PXDNL: variants seen among roughly 807,000 people sequenced by gnomAD.
The protein encoded by PXDNL is probable oxidoreductase PXDNL.
A neutral mutation model predicts 150.8 loss-of-function variants in PXDNL; 145 were observed. That is an observed-to-expected ratio of 0.96 (90% CI 0.84 to 1.10). The LOEUF (loss-of-function observed/expected upper bound fraction) is 1.10, where lower values mean the gene tolerates loss of function less well. PXDNL is among the 50% of genes least tolerant of loss of function. PXDNL has a pLI of 0.00. For synonymous variants in PXDNL, 757 were observed against 725.7 expected, an observed-to-expected ratio of 1.04 and a Z score of -0.69; for missense variants, 2,087 against 1,873.9, an observed-to-expected ratio of 1.11 and a Z score of -2.10.
At chr8:51,362,148 G>A (rs1029835139) in intron 19 of PXDNL, among the ~76,000 whole-genome samples, 3 of 151,994 alleles carry the variant, frequency 2.0e-5, no homozygotes, top group Non-Finnish European at 4.4e-5. Context: ...TAACATTTTG[G>A]TTTAGTTATT....
At chr8:51,421,237 A>AT (rs1475201503) in intron 14 of PXDNL, among the ~76,000 whole-genome samples, 1 of 152,104 alleles carries the variant, frequency 6.6e-6, no homozygotes, top group African/African-American at 2.4e-5. Context: ...TTCTGTAATA[A>AT]TTTTTTCCCA....
Position 51,557,045 on chromosome 8 carries a change from T to A in PXDNL, c.309-134A>T, listed in dbSNP as rs527585000. 7.4e-5 allele frequency: 44 copies of A among 594,810 alleles called. No individual in the cohort carries two copies. In the South Asian group the frequency reaches 9.4e-4, roughly 13 times the overall value. 36.8% of individuals were successfully genotyped at this position (594,810 alleles called of 1,614,324 possible). Reference sequence around the variant, plus strand: ...TGTCCATAGATTCTCTAACAATATATAGAAACTGTTATTTCACTTAAATGT... The same window carrying A: ...TGTCCATAGATTCTCTAACAATATAAAGAAACTGTTATTTCACTTAAATGT... On this transcript the variant is annotated intron_variant, in intron 3 of 22. Coordinates refer to ENST00000356297, the MANE Select transcript of PXDNL (RefSeq NM_144651.5).
chr8:51,449,214 T>A, intron 10 of PXDNL, 96 bp from the exon 11 acceptor site: 1 of 661,640 alleles, frequency 1.5e-6, no homozygotes, highest in Non-Finnish European at 2.6e-6. Context: ...TGTCATGTGA[T>A]CAGAATTTGT....
intron 19 of PXDNL, among the ~76,000 whole-genome samples, chr8:51,362,828 T>C (rs1364310777): frequency 3.3e-5 from 5 of 152,258 alleles, no homozygotes; most frequent in Non-Finnish European, 5.9e-5. Flanking sequence ...TCTGTGTTCA[T>C]ATGTGTACTA....
intron 19 of PXDNL, among the ~76,000 whole-genome samples, chr8:51,365,825 A>G (rs929471747): frequency 1.3e-5 from 2 of 152,188 alleles, no homozygotes; most frequent in Non-Finnish European, 2.9e-5. Flanking sequence ...TTTTTAAACA[A>G]AATTATGGGA....
chr8:51,453,485 G>A, intron 10 of PXDNL, 34 bp downstream of exon 10: 1 of 1,601,124 alleles, frequency 6.2e-7, no homozygotes, highest in African/African-American at 1.3e-5. Flanking sequence ...TGTGGCAGGA[G>A]GAACATTTCA....
rs973472580 is a variant in PXDNL at position 51,472,298 on chromosome 8, G to C, written c.701C>G (p.Pro234Arg). The change falls in exon 8 of 23, where the codon CCC (proline) becomes CGC (arginine). Residue 234 changes from proline to arginine, a missense_variant. Coordinates refer to ENST00000356297, the MANE Select transcript of PXDNL (RefSeq NM_144651.5). ...ATCCTGCGGCTCAAAAGTAATTCGG[G>C]GGCTCTCTGCAACAAAAGAATTATT... is the stretch of plus-strand genomic sequence containing the variant. Reference protein sequence around the residue: ...VTVEEFNCQSPRITFEPQDVE... With the variant: ...VTVEEFNCQSRRITFEPQDVE... The C allele has an allele frequency of 6.2e-7, 1 of 1,610,136 alleles. No homozygotes were observed. The highest frequency in any genetic ancestry group is 8.5e-7 in the Non-Finnish European group (1 of 1,177,152).
chr8:51,739,501 A>G (rs796325401), intron 1 of PXDNL, among the ~76,000 whole-genome samples: 1 of 152,342 alleles, frequency 6.6e-6, no homozygotes, highest in African/African-American at 2.4e-5. Flanking sequence ...GAAAATCACA[A>G]AGATTACAAA....
intron 4 of PXDNL, among the ~76,000 whole-genome samples, chr8:51,553,222 GAA>G (rs1484382534): frequency 1.3e-5 from 2 of 152,190 alleles, no homozygotes; most frequent in Non-Finnish European, 2.9e-5. Context: ...CTCGTGGGTT[GAA>G]GTCTTGTGCT....
chr8:51,435,467 G>A (rs1809375140), intron 12 of PXDNL: 1 of 151,798 alleles, frequency 6.6e-6, no homozygotes, highest in Admixed American at 6.8e-5. Flanking sequence ...TTGCAGCCTG[G>A]TAGAATGGCT....
In PXDNL at chr8:51,356,979, C is replaced by T. The variant is rs140498915; in HGVS notation, c.3902-11032G>A. 5.2e-3 allele frequency among the ~76,000 whole-genome samples: 790 copies of T among 152,292 alleles called. 7 individuals carry two copies. The highest frequency in any genetic ancestry group is 0.018 in the African/African-American group (755 of 41,550). On this transcript the variant is annotated intron_variant, in intron 19 of 22. Transcript: ENST00000356297. ...AACTCCAATCAAGCAGCTGATTCAT[C>T]TGATAATTATCCCCCAAACCACCCT...
At chr8:51,610,423 T>C (rs1054161429) in intron 2 of PXDNL, among the ~76,000 whole-genome samples, 1 of 152,220 alleles carries the variant, frequency 6.6e-6, no homozygotes, top group Admixed American at 6.5e-5. Flanking sequence ...ATTCTATTAG[T>C]ATTCAGTCTT....
At chr8:51,641,789 TCAGTG>T (rs1814762418) in intron 2 of PXDNL, among the ~76,000 whole-genome samples, 5 of 152,092 alleles carry the variant, frequency 3.3e-5, no homozygotes, top group Admixed American at 3.3e-4. Context: ...ATTGTGGAAG[TCAGTG>T]TGGCGATTCC....
chr8:51,803,702 G>A (rs2037645612), intron 1 of PXDNL, among the ~76,000 whole-genome samples: 1 of 152,160 alleles, frequency 6.6e-6, no homozygotes, highest in African/African-American at 2.4e-5. Context: ...ACAACCACTG[G>A]TGACCGTCCT....
chr8:51,611,773 G>A (rs943299193), intron 2 of PXDNL, among the ~76,000 whole-genome samples: 35 of 152,060 alleles, frequency 2.3e-4, no homozygotes, highest in African/African-American at 7.7e-4. Flanking sequence ...AAGAGAGGTG[G>A]GAACTTCCTG....
At chr8:51,644,620 C>T (rs1009054613) in intron 2 of PXDNL, among the ~76,000 whole-genome samples, 1 of 176 alleles carries the variant, frequency 5.7e-3, no homozygotes, top group East Asian at 0.083. Flanking sequence ...CCACCGCGCC[C>T]AGCTATTTTT....
intron 19 of PXDNL, 37 bp downstream of exon 19, chr8:51,371,836 C>A (rs553146157): frequency 6.5e-7 from 1 of 1,536,690 alleles, no homozygotes; most frequent in Admixed American, 1.7e-5. Context: ...AGAACATGCA[C>A]ATCAATCCAG....
chr8:51,381,282 T>C (rs1385601229), intron 17 of PXDNL, among the ~76,000 whole-genome samples: 1 of 152,180 alleles, frequency 6.6e-6, no homozygotes, highest in Non-Finnish European at 1.5e-5. Flanking sequence ...AACTCTTCTT[T>C]CCCACTTAGG....
chr8:51,551,804 C>A (rs1444418791), intron 4 of PXDNL, among the ~76,000 whole-genome samples: 2 of 152,118 alleles, frequency 1.3e-5, no homozygotes, highest in Admixed American at 6.6e-5. Flanking sequence ...GCAAATGCAA[C>A]AAAAACAAAG....
Sources: gnomAD v4.1 joint callset for allele counts (sites outside exome capture counted in the v4.1 genomes callset) on GRCh38, gnomAD v4.1.1 for gene constraint, MANE v1.5 for transcripts, NCBI Gene and HGNC (gene_info 2026-07-23, HGNC 2026-07-21) for gene names.